The following SLC35F3 variants were observed in gnomAD, a reference collection of about 807,000 sequenced individuals.
SLC35F3 encodes the protein putative thiamine transporter SLC35F3.
SLC35F3 carries 25 observed loss-of-function variants against 49.9 expected under a neutral mutation model. The ratio of observed to expected loss-of-function variants is 0.50; its 90% CI spans 0.37 to 0.70. SLC35F3 has a LOEUF of 0.70. SLC35F3 is among the 30% of genes least tolerant of loss of function. SLC35F3 has a pLI of 0.00. For synonymous variants in SLC35F3, 275 were observed against 265.4 expected (o/e 1.04, Z -0.35); for missense variants, 525 against 639.8 (o/e 0.82, Z 1.94).
intron 2 of SLC35F3, among the ~76,000 whole-genome samples, chr1:234,148,155 C>T (rs1287119991): frequency 6.6e-6 from 1 of 152,206 alleles, no homozygotes; most frequent in Non-Finnish European, 1.5e-5. Context: ...GGGCTGGGCT[C>T]TTCCTGCAGA....
chr1:234,300,589 A>C (rs1197439186), intron 3 of SLC35F3, among the ~76,000 whole-genome samples: 2 of 152,266 alleles, frequency 1.3e-5, no homozygotes, highest in Non-Finnish European at 2.9e-5. Flanking sequence ...ATAAGCTGCT[A>C]TTACAATAAA....
rs112425929 is a variant in SLC35F3, at chr1:234,065,618, G to A, written c.283+159860G>A. ...CACAATATATGAGTCTGCCACGAGC[G>A]CTATGAGAAAAATAGATCATGTCCC... is the stretch of plus-strand genomic sequence containing the variant. On this transcript the variant is annotated intron_variant, in intron 2 of 7. Coordinates refer to ENST00000366618, the MANE Select transcript of SLC35F3 (RefSeq NM_173508.4). Among the ~76,000 whole-genome samples the A allele has an allele frequency of 1.9e-4, 29 of 152,184 alleles. 1 individual carries two copies. Among genetic ancestry groups the A allele is most frequent in the African/African-American group, 5.5e-4 (23 of 41,514 alleles).
intron 2 of SLC35F3, among the ~76,000 whole-genome samples, chr1:234,035,605 C>G (rs1664130488): frequency 6.6e-6 from 1 of 152,124 alleles, no homozygotes; most frequent in Non-Finnish European, 1.5e-5. Flanking sequence ...ATGACCTGGC[C>G]CTGGCCCTCT....
At chr1:234,191,997 G>C (rs940929740) in intron 2 of SLC35F3, among the ~76,000 whole-genome samples, 2 of 151,874 alleles carry the variant, frequency 1.3e-5, no homozygotes, top group African/African-American at 4.8e-5. Flanking sequence ...TCCAGGACCA[G>C]ATGGGTTCAC....
chr1:234,316,346 C>A (rs962992470), intron 4 of SLC35F3, among the ~76,000 whole-genome samples: 1 of 152,196 alleles, frequency 6.6e-6, no homozygotes, highest in African/African-American at 2.4e-5. Flanking sequence ...CACCACCATG[C>A]CACCCATTCC....
chr1:234,126,024 A>C (rs879371279), intron 2 of SLC35F3, among the ~76,000 whole-genome samples: 1 of 152,226 alleles, frequency 6.6e-6, no homozygotes, highest in Non-Finnish European at 1.5e-5. Context: ...AAAGACATTC[A>C]AGTCCCTGGT....
At chr1:233,971,545 C>A (rs1253859216) in intron 2 of SLC35F3, among the ~76,000 whole-genome samples, 1 of 152,054 alleles carries the variant, frequency 6.6e-6, no homozygotes, top group Non-Finnish European at 1.5e-5. Context: ...CATGGTGAAA[C>A]CCTGTCTTTA....
chr1:234,242,854 G>A (rs929965679), intron 3 of SLC35F3, among the ~76,000 whole-genome samples: 5 of 152,100 alleles, frequency 3.3e-5, no homozygotes, highest in East Asian at 1.9e-4. Context: ...GGATATTAAA[G>A]CTCCCTTGTT....
At chr1:233,920,754 C>T (rs1662044604) in intron 2 of SLC35F3, among the ~76,000 whole-genome samples, 1 of 152,230 alleles carries the variant, frequency 6.6e-6, no homozygotes, top group South Asian at 2.1e-4. Flanking sequence ...TCTTTTCAGC[C>T]TTGATGAAAC....
chr1:234,163,963 C>A (rs1666271622), intron 2 of SLC35F3, among the ~76,000 whole-genome samples: 1 of 151,758 alleles, frequency 6.6e-6, no homozygotes, highest in African/African-American at 2.4e-5. Context: ...AGGAATATTT[C>A]TTCTCAAAAT....
In SLC35F3 at chr1:234,054,696, G is replaced by A. The variant is rs144187137; in HGVS notation, c.283+148938G>A. On this transcript the variant is annotated intron_variant, in intron 2 of 7. Transcript: ENST00000366618. ...TGTTCTGTTGTTGGCAAAGAGCTGCGTTCCTTTGGAGGAGAAGAGGCGCTC... is the reference window on the plus strand; with the variant it reads ...TGTTCTGTTGTTGGCAAAGAGCTGCATTCCTTTGGAGGAGAAGAGGCGCTC... 8.4e-3 allele frequency among the ~76,000 whole-genome samples: 1,286 copies of A among 152,286 alleles called. 15 individuals carry two copies. Among genetic ancestry groups the A allele is most frequent in the African/African-American group, 0.03 (1,246 of 41,560 alleles).
Position 233,963,368 on chromosome 1 carries a change from T to A in SLC35F3, c.283+57610T>A, listed in dbSNP as rs139610683. Among the ~76,000 whole-genome samples the A allele has an allele frequency of 3.8e-3, 570 of 151,868 alleles. 9 individuals carry two copies. Among genetic ancestry groups the A allele is most frequent in the East Asian group, 0.026 (135 of 5,140 alleles). ...CAGACTGGAGTGCAGTGGTGCAATCTCGGCTCACTGCAAGCTCCGCCTCCC... is the reference window on the plus strand; with the variant it reads ...CAGACTGGAGTGCAGTGGTGCAATCACGGCTCACTGCAAGCTCCGCCTCCC... On this transcript the variant is annotated intron_variant, in intron 2 of 7. Coordinates refer to ENST00000366618, the MANE Select transcript of SLC35F3 (RefSeq NM_173508.4).
At chr1:234,143,994 G>A (rs112201700) in intron 2 of SLC35F3, among the ~76,000 whole-genome samples, 10 of 152,242 alleles carry the variant, frequency 6.6e-5, no homozygotes, top group African/African-American at 2.4e-4. Context: ...CTCAGTCTAA[G>A]GTAGCCAAGA....
chr1:234,312,082 G>A (rs1657370034), intron 4 of SLC35F3, among the ~76,000 whole-genome samples: 1 of 152,138 alleles, frequency 6.6e-6, no homozygotes, highest in Non-Finnish European at 1.5e-5. Flanking sequence ...TTCTCTTGTT[G>A]GTGGATGAAC....
At chr1:233,998,212 G>A (rs576222897) in intron 2 of SLC35F3, among the ~76,000 whole-genome samples, 2 of 152,020 alleles carry the variant, frequency 1.3e-5, no homozygotes, top group East Asian at 3.9e-4. Flanking sequence ...CTGCCCCTGT[G>A]GTATTCTATC....
intron 2 of SLC35F3, among the ~76,000 whole-genome samples, chr1:234,168,909 A>T (rs542077238): frequency 6.6e-6 from 1 of 152,080 alleles, no homozygotes; most frequent in Non-Finnish European, 1.5e-5. Context: ...AGAAGAGGAG[A>T]TTTATTATGG....
chr1:234,121,602 T>C (rs749735171), intron 2 of SLC35F3, among the ~76,000 whole-genome samples: 4 of 152,154 alleles, frequency 2.6e-5, no homozygotes, highest in Non-Finnish European at 5.9e-5. Flanking sequence ...CTAGGGTACA[T>C]GTGCACAACA....
chr1:234,193,950 A>G (rs1184762466), intron 2 of SLC35F3, among the ~76,000 whole-genome samples: 1 of 152,156 alleles, frequency 6.6e-6, no homozygotes, highest in African/African-American at 2.4e-5. Context: ...AAAATAATAG[A>G]TGTTGGCATG....
At chr1:234,249,845 G>C (rs572070393) in intron 3 of SLC35F3, among the ~76,000 whole-genome samples, 1 of 152,366 alleles carries the variant, frequency 6.6e-6, no homozygotes, top group African/African-American at 2.4e-5. Flanking sequence ...ATCCCCCGAA[G>C]TGTGTTCCAC....
Sources: gnomAD v4.1 joint callset for allele counts (sites outside exome capture counted in the v4.1 genomes callset) on GRCh38, gnomAD v4.1.1 for gene constraint, MANE v1.5 for transcripts, NCBI Gene and HGNC (gene_info 2026-07-23, HGNC 2026-07-21) for gene names.